The following GPR89B variants were observed in gnomAD, a reference collection of about 807,000 sequenced individuals.
GPR89B encodes G protein-coupled receptor 89B.
In GPR89B, 25 loss-of-function variants were observed where a neutral mutation model predicts 52.4. The ratio of observed to expected loss-of-function variants is 0.48; its 90% CI spans 0.35 to 0.67. The LOEUF is 0.67. GPR89B is among the 30% of genes least tolerant of loss of function. The pLI is 0.01. For synonymous variants in GPR89B, 52 were observed against 151.2 expected (o/e 0.34, Z 4.81); for missense variants, 146 against 450.2 (o/e 0.32, Z 6.11).
intron 7 of GPR89B, among the ~76,000 whole-genome samples, chr1:147,957,802 C>T (rs1479453387): frequency 6.6e-6 from 1 of 152,072 alleles, no homozygotes; most frequent in Non-Finnish European, 1.5e-5. Context: ...CAGTGGCTCA[C>T]GCCTGTAATC....
intron 11 of GPR89B, among the ~76,000 whole-genome samples, chr1:147,986,825 T>TA (rs1466008989): frequency 6.7e-6 from 1 of 150,370 alleles, no homozygotes; most frequent in Non-Finnish European, 1.5e-5. Flanking sequence ...AATTTTTTTT[T>TA]AAATTGTCTT....
intron 5 of GPR89B, among the ~76,000 whole-genome samples, chr1:147,950,747 A>G (rs1553250909): frequency 6.6e-6 from 1 of 152,132 alleles, no homozygotes; most frequent in Admixed American, 6.5e-5. Context: ...CCCGGCCAAC[A>G]CAGTGAAACC....
chr1:148,013,323 C>T, the GPR89B span, among the ~76,000 whole-genome samples: 11 of 152,266 alleles, frequency 7.2e-5, no homozygotes, highest in African/African-American at 2.4e-4. Flanking sequence ...CCTGCGACCG[C>T]AGGCCTCCGG....
intron 1 of GPR89B, among the ~76,000 whole-genome samples, chr1:147,935,407 T>C (rs1653998239): frequency 6.6e-6 from 1 of 152,218 alleles, no homozygotes; most frequent in Non-Finnish European, 1.5e-5. Flanking sequence ...ATCATTTTAT[T>C]CATAAGGGTC....
chr1:147,977,031 G>A lies in GPR89B; in HGVS notation c.909+7072G>A, dbSNP rs1179465812. 3.7e-4 allele frequency among the ~76,000 whole-genome samples: 56 copies of A among 151,476 alleles called. 2 individuals are homozygous for A. The South Asian group carries it at 0.011, about 30-fold the overall frequency. The stretch of plus-strand genomic sequence containing the variant: ...GGGCAGATCACGAGGTCAGAAGATC[G>A]AGACCATCCTGGCTAACACGGTGAA... On this transcript the variant is annotated intron_variant, in intron 10 of 13. Transcript: ENST00000314163.
the GPR89B span, chr1:148,009,618 C>G: frequency 8.1e-7 from 1 of 1,234,754 alleles, no homozygotes; most frequent in Non-Finnish European, 1.1e-6. Context: ...AAAAAGGTAA[C>G]TTTAATAACC....
At chr1:147,958,996 A>G (rs1656338394) in intron 7 of GPR89B, among the ~76,000 whole-genome samples, 1 of 152,240 alleles carries the variant, frequency 6.6e-6, no homozygotes, top group African/African-American at 2.4e-5. Flanking sequence ...TGTTGTTTAC[A>G]AGTGGTTTTA....
intron 5 of GPR89B, among the ~76,000 whole-genome samples, chr1:147,947,865 TGCA>T (rs1655111630): frequency 6.6e-6 from 1 of 151,880 alleles, no homozygotes; most frequent in Non-Finnish European, 1.5e-5. Context: ...GTAAAGGGGT[TGCA>T]AATTCAAGAG....
intron 11 of GPR89B, among the ~76,000 whole-genome samples, chr1:147,987,575 T>TC (rs1237341398): frequency 6.8e-6 from 1 of 146,954 alleles, no homozygotes; most frequent in Admixed American, 6.9e-5. Flanking sequence ...TCCTTAAGTG[T>TC]TTTACTGGGC....
At chr1:147,963,305 G>A (rs1656761440) in intron 7 of GPR89B, among the ~76,000 whole-genome samples, 1 of 152,004 alleles carries the variant, frequency 6.6e-6, no homozygotes, top group Non-Finnish European at 1.5e-5. Flanking sequence ...GAACCTGGGA[G>A]GCGGAGGTTG....
intron 1 of GPR89B, among the ~76,000 whole-genome samples, chr1:147,934,003 C>A (rs1419506559): frequency 6.6e-6 from 1 of 151,494 alleles, no homozygotes; most frequent in Non-Finnish European, 1.5e-5. Flanking sequence ...TGTCTAGCCT[C>A]ATTTTTAACC....
the GPR89B span, chr1:148,022,009 C>T: frequency 2.1e-4 from 31 of 148,858 alleles, 1 homozygote; most frequent in East Asian, 3.1e-3. Flanking sequence ...GTAAGAAGCG[C>T]AGCTGGCCCA....
chr1:148,021,284 C>T, the GPR89B span, among the ~76,000 whole-genome samples: 2 of 151,310 alleles, frequency 1.3e-5, no homozygotes, highest in African/African-American at 4.9e-5. Flanking sequence ...GGGCGGAGCA[C>T]GAGGTCAGGA....
chr1:147,992,068 G>A (rs1191012894), intron 12 of GPR89B, among the ~76,000 whole-genome samples: 1 of 150,574 alleles, frequency 6.6e-6, no homozygotes, highest in East Asian at 2.0e-4. Context: ...GGAAAGGTAG[G>A]GATTTAAAAA....
intron 11 of GPR89B, among the ~76,000 whole-genome samples, chr1:147,987,935 CATAG>C: frequency 6.6e-6 from 1 of 152,086 alleles, no homozygotes; most frequent in South Asian, 2.1e-4. Flanking sequence ...AACTATTATT[CATAG>C]ATAGAAAATA....
At chr1:148,015,293 A>ATCTCTCCCTC in the GPR89B span, among the ~76,000 whole-genome samples, 4 of 69,888 alleles carry the variant, frequency 5.7e-5, 1 homozygote, top group African/African-American at 2.0e-4. Context: ...GGATTCTAGG[A>ATCTCTCCCTC]TCTCTCTCTC....
In GPR89B at chr1:147,984,890, T is replaced by C. The variant is rs1316706924; in HGVS notation, c.910-1309T>C. 7.6e-3 allele frequency among the ~76,000 whole-genome samples: 1,164 copies of C among 152,186 alleles called. 23 individuals are homozygous for C. The highest frequency in any genetic ancestry group is 0.045 in the East Asian group (232 of 5,178). ...TTTTGTATGATATGAATCTTTTAAA[T>C]TATTGACTTGTTTTCTGTCCCAGAC... On this transcript the variant is annotated intron_variant, in intron 10 of 13. Transcript: ENST00000314163.
the GPR89B span, among the ~76,000 whole-genome samples, chr1:148,003,510 C>T: frequency 1.1e-4 from 16 of 152,106 alleles, no homozygotes; most frequent in African/African-American, 9.7e-5. Flanking sequence ...CAAAAACAAA[C>T]GCTACCAATT....
chr1:147,931,309 A>G (rs1340759512), intron 1 of GPR89B, among the ~76,000 whole-genome samples: 3 of 152,110 alleles, frequency 2.0e-5, no homozygotes, highest in African/African-American at 7.2e-5. Context: ...GCAACTGTTA[A>G]CTAACTCATG....
Sources: allele counts gnomAD v4.1 joint callset (sites outside exome capture counted in the v4.1 genomes callset), GRCh38; gene constraint gnomAD v4.1.1; transcripts MANE v1.5; gene names NCBI Gene and HGNC (gene_info 2026-07-23, HGNC 2026-07-21).